Variants in TNKS observed in about 807,000 individuals in gnomAD.
TNKS encodes poly [ADP-ribose] polymerase tankyrase-1.
Under a neutral mutation model 135.8 loss-of-function variants are expected in TNKS, and 72 were observed. That is an observed-to-expected ratio of 0.53 (90% CI 0.44 to 0.64). The LOEUF (loss-of-function observed/expected upper bound fraction) is 0.64. Among genes scored for constraint, TNKS ranks in the 30% least tolerant of loss-of-function variants. The probability of loss-of-function intolerance (pLI) is 0.00; values close to 1 mark genes in which losing one functional copy is unlikely to be tolerated. For missense variants in TNKS, 1,769 were observed against 1,674.0 expected (o/e 1.06, Z -0.99); for synonymous variants, 849 against 649.3 (o/e 1.31, Z -4.68).
intron 3 of TNKS, among the ~76,000 whole-genome samples, chr8:9,663,622 G>A (rs1223395450): frequency 6.6e-6 from 1 of 152,166 alleles, no homozygotes; most frequent in Non-Finnish European, 1.5e-5. Context: ...GCTAGTAGTA[G>A]GTTGTCATCT....
chr8:9,615,689 G>C lies in TNKS; in HGVS notation c.994+12G>C, dbSNP rs1402332290. 1.3e-6 allele frequency: 2 copies of C among 1,591,900 alleles called. No homozygotes were observed. Among genetic ancestry groups the C allele is most frequent in the Non-Finnish European group, 1.7e-6 (2 of 1,163,972 alleles). ...AGCTGTCCTTACAGGTAAGAAGACAGAGAGCTACCGAATGATTATATCTGT... is the reference window on the plus strand; with the variant it reads ...AGCTGTCCTTACAGGTAAGAAGACACAGAGCTACCGAATGATTATATCTGT... On this transcript the variant is annotated intron_variant, in intron 3 of 26. Transcript: ENST00000310430.
At chr8:9,773,488 G>C (rs1312477159) in intron 26 of TNKS, among the ~76,000 whole-genome samples, 1 of 152,104 alleles carries the variant, frequency 6.6e-6, no homozygotes, top group Admixed American at 6.5e-5. Context: ...GGGCATTAAT[G>C]AGTGGTTTCA....
At position 9,779,495 on chromosome 8, in the gene TNKS, T is replaced by C. The variant is rs1413728564; in HGVS notation, c.*2759T>C. ...AACTAAAGGGCTTCTCCAGACCTGATGGTTCCAGTTTACCTGCTGTTGGCC... is the reference window on the plus strand; with the variant it reads ...AACTAAAGGGCTTCTCCAGACCTGACGGTTCCAGTTTACCTGCTGTTGGCC... On this transcript the variant is annotated 3_prime_UTR_variant, in exon 27 of 27. Transcript: ENST00000310430. 1 of 152,200 alleles carries C rather than the reference T, an allele frequency of 6.6e-6. No individual in the cohort carries two copies. Among genetic ancestry groups the C allele is most frequent in the Non-Finnish European group, 1.5e-5 (1 of 68,058 alleles). 9.4% of individuals were successfully genotyped at this position (152,200 alleles called of 1,614,324 possible).
intron 3 of TNKS, among the ~76,000 whole-genome samples, chr8:9,667,015 G>C (rs894305661): frequency 1.3e-5 from 2 of 152,144 alleles, no homozygotes; most frequent in African/African-American, 2.4e-5. Flanking sequence ...GAATGATTTA[G>C]TTCTTGAGTG....
chr8:9,576,847 C>G (rs1334035525), intron 1 of TNKS, among the ~76,000 whole-genome samples: 1 of 151,842 alleles, frequency 6.6e-6, no homozygotes, highest in Admixed American at 6.6e-5. Flanking sequence ...GAAATATATT[C>G]TAATCACATA....
intron 1 of TNKS, among the ~76,000 whole-genome samples, chr8:9,568,587 A>G (rs898174927): frequency 6.6e-6 from 1 of 152,318 alleles, no homozygotes; most frequent in East Asian, 1.9e-4. Context: ...CTATTTTCTA[A>G]AGGAAATAAT....
chr8:9,769,661 C>A (rs1174596041), intron 25 of TNKS, among the ~76,000 whole-genome samples: 1 of 145,744 alleles, frequency 6.9e-6, no homozygotes, highest in African/African-American at 2.6e-5. Context: ...GCTCTGTCGC[C>A]CAGCCTGGAG....
chr8:9,761,520 C>T lies in TNKS; in HGVS notation c.3158C>T (p.Thr1053Ile). 1 of 1,613,024 alleles carries T rather than the reference C, an allele frequency of 6.2e-7. No homozygotes were observed. The highest frequency in any genetic ancestry group is 8.5e-7 in the Non-Finnish European group (1 of 1,179,806). The change falls in exon 21 of 27, where the codon ACA (threonine) becomes ATA (isoleucine). Residue 1053 changes from threonine to isoleucine, a missense_variant. By Grantham distance (89) the Thr-to-Ile change is moderately conservative. This residue lies in a region of TNKS where 722 missense variants were observed against 688.9 expected (regional missense o/e 1.05). Coordinates refer to ENST00000310430, the MANE Select transcript of TNKS (RefSeq NM_003747.3). ...TAATTTTGTTTCATTTTTCAGATTA[C>T]ACTAGATGTGTTGGCTGATATGGGT... ...LRDIFETEQI[T>I]LDVLADMGHE... is the part of the protein sequence containing the mutation.
At chr8:9,663,399 T>G (rs1038341737) in intron 3 of TNKS, among the ~76,000 whole-genome samples, 4 of 152,246 alleles carry the variant, frequency 2.6e-5, no homozygotes, top group Non-Finnish European at 4.4e-5. Context: ...TATGTATGTG[T>G]AAAGGAAAAG....
intron 17 of TNKS, among the ~76,000 whole-genome samples, chr8:9,746,312 G>T (rs1052000341): frequency 6.6e-6 from 1 of 152,160 alleles, no homozygotes; most frequent in African/African-American, 2.4e-5. Context: ...AAGCCTATTT[G>T]TTGAATCAGT....
At chr8:9,746,252 A>C (rs977622843) in intron 17 of TNKS, among the ~76,000 whole-genome samples, 2 of 152,230 alleles carry the variant, frequency 1.3e-5, no homozygotes, top group Admixed American at 6.5e-5. Flanking sequence ...CCAGCCTAAC[A>C]TCCTAAATGT....
chr8:9,769,612 CTTTTTTTT>C (rs1163803220), intron 25 of TNKS, among the ~76,000 whole-genome samples: 26 of 73,468 alleles, frequency 3.5e-4, no homozygotes, highest in Admixed American at 6.1e-4. Flanking sequence ...CAGGCATTTT[CTTTTTTTT>C]TTTTTTTTTT....
chr8:9,763,499 A>C (rs1807258037), intron 22 of TNKS, among the ~76,000 whole-genome samples: 1 of 152,198 alleles, frequency 6.6e-6, no homozygotes, highest in African/African-American at 2.4e-5. Flanking sequence ...ATCTCATGCA[A>C]AATAAATAAG....
intron 3 of TNKS, among the ~76,000 whole-genome samples, chr8:9,634,321 T>C (rs905034176): frequency 8.5e-5 from 13 of 152,144 alleles, no homozygotes; most frequent in African/African-American, 2.7e-4. Flanking sequence ...AATTTGAATG[T>C]AAGCAGAAAT....
intron 3 of TNKS, among the ~76,000 whole-genome samples, chr8:9,648,320 CTT>C (rs1800995665): frequency 6.6e-6 from 1 of 152,000 alleles, no homozygotes; most frequent in African/African-American, 2.4e-5. Context: ...TATGATAACA[CTT>C]AGCATAAAAC....
chr8:9,651,203 A>C (rs1329290441), intron 3 of TNKS, among the ~76,000 whole-genome samples: 2 of 152,124 alleles, frequency 1.3e-5, no homozygotes, highest in Non-Finnish European at 2.9e-5. Flanking sequence ...CAAAATTTTA[A>C]ATAAAAATAA....
At chr8:9,595,006 A>C (rs1173551620) in intron 2 of TNKS, among the ~76,000 whole-genome samples, 3 of 152,246 alleles carry the variant, frequency 2.0e-5, no homozygotes, top group Non-Finnish European at 4.4e-5. Context: ...TTGAAAATTC[A>C]GTGAAGCCTT....
intron 20 of TNKS, among the ~76,000 whole-genome samples, 166 bp downstream of exon 20, chr8:9,752,792 CA>C (rs201737154): frequency 3.4e-5 from 5 of 146,484 alleles, no homozygotes; most frequent in Admixed American, 6.8e-5. Flanking sequence ...CCCATCTCTA[CA>C]AAAAAAAAAG....
intron 1 of TNKS, among the ~76,000 whole-genome samples, chr8:9,569,132 A>G (rs1404644661): frequency 6.6e-6 from 1 of 152,220 alleles, no homozygotes. Flanking sequence ...GTGTTACAGA[A>G]TTCTAGTATT....
Sources: gnomAD v4.1 joint callset for allele counts (sites outside exome capture counted in the v4.1 genomes callset) on GRCh38, gnomAD v4.1.1 for gene constraint, gnomAD v4.1.1 regional missense constraint, MANE v1.5 for transcripts, NCBI Gene and HGNC (gene_info 2026-07-23, HGNC 2026-07-21) for gene names.